Variants in TTC23 observed in about 807,000 individuals in gnomAD.
TTC23 encodes tetratricopeptide repeat domain 23.
A neutral mutation model predicts 55.1 loss-of-function variants in TTC23; 58 were observed. The ratio of observed to expected loss-of-function variants is 1.05; its 90% CI spans 0.85 to 1.31. The LOEUF (loss-of-function observed/expected upper bound fraction) is 1.31, where lower values mean the gene tolerates loss of function less well. Among genes scored for constraint, TTC23 ranks in the 50% most tolerant of loss-of-function variants. The pLI, the probability that TTC23 is intolerant of heterozygous loss-of-function variation, is 0.00. For synonymous variants in TTC23, 203 were observed against 199.9 expected, an observed-to-expected ratio of 1.02 and a Z score of -0.13; for missense variants, 516 against 534.4, an observed-to-expected ratio of 0.97 and a Z score of 0.34.
At chr15:99,145,658 C>T (rs2068764743) in intron 12 of TTC23, among the ~76,000 whole-genome samples, 1 of 152,130 alleles carries the variant, frequency 6.6e-6, no homozygotes, top group South Asian at 2.1e-4. Flanking sequence ...CATCCTCTTT[C>T]TCTCAGTCTA....
intron 8 of TTC23, among the ~76,000 whole-genome samples, chr15:99,211,323 C>A (rs2077019880): frequency 6.6e-6 from 1 of 151,796 alleles, no homozygotes; most frequent in Non-Finnish European, 1.5e-5. Flanking sequence ...TGCAGTGAGT[C>A]AAGATCACGC....
chr15:99,187,725 A>G (rs1252113387), intron 9 of TTC23, among the ~76,000 whole-genome samples: 1 of 152,092 alleles, frequency 6.6e-6, no homozygotes, highest in African/African-American at 2.4e-5. Context: ...ATGGCCAATA[A>G]GCCTATGAAA....
At chr15:99,235,741 C>G (rs1180251520) in intron 3 of TTC23, among the ~76,000 whole-genome samples, 1 of 152,210 alleles carries the variant, frequency 6.6e-6, no homozygotes, top group African/African-American at 2.4e-5. Flanking sequence ...ACCATTACCA[C>G]TGTCCATCTC....
At chr15:99,197,393 C>T (rs753488848) in intron 9 of TTC23, among the ~76,000 whole-genome samples, 5 of 151,970 alleles carry the variant, frequency 3.3e-5, no homozygotes, top group Admixed American at 6.6e-5. Flanking sequence ...TGAGCCACCA[C>T]GCCCGGCCTG....
At chr15:99,207,991 A>G (rs1283522696) in intron 8 of TTC23, among the ~76,000 whole-genome samples, 4 of 152,170 alleles carry the variant, frequency 2.6e-5, no homozygotes, top group African/African-American at 4.8e-5. Context: ...TATGTGCCCA[A>G]AGAGACTTAT....
chr15:99,206,278 G>A (rs2076621349), intron 8 of TTC23, among the ~76,000 whole-genome samples: 1 of 151,962 alleles, frequency 6.6e-6, no homozygotes, highest in African/African-American at 2.4e-5. Context: ...TTTCTTTTTT[G>A]ATGTGTCTTT....
rs2070500063 is a variant in TTC23 at position 99,156,036 on chromosome 15, A to C, written c.1143+112T>G. The stretch of plus-strand genomic sequence containing the variant: ...CCACAAAAGTGATGTCATCCTATCT[A>C]AACAAGCCACTTCTAAAGTTTCATT... On this transcript the variant is annotated intron_variant, in intron 12 of 13. Coordinates refer to ENST00000394132, the MANE Select transcript of TTC23 (RefSeq NM_001288615.3). 3 of 1,471,336 alleles carry C rather than the reference A, an allele frequency of 2.0e-6. No homozygotes were observed. The Admixed American group carries it at 5.9e-5, about 29-fold the overall frequency. 91.1% of individuals were successfully genotyped at this position (1,471,336 alleles called of 1,614,324 possible). A position where few individuals can be genotyped will look rare whatever the true frequency, so the allele number is the denominator to read the frequency against.
chr15:99,183,497 ATTTTTTTTT>A lies in TTC23; in HGVS notation c.760-8351_760-8343del, dbSNP rs56660145. On this transcript the variant is annotated intron_variant, in intron 9 of 13. Coordinates refer to ENST00000394132, the MANE Select transcript of TTC23 (RefSeq NM_001288615.3). Reference sequence around the variant, plus strand: ...CCACCACGCCCAGCTGATTTTTTGTATTTTTTTTTTTTTTTTTTTTTTTTAGTAGATAAC... The same window carrying A: ...CCACCACGCCCAGCTGATTTTTTGTATTTTTTTTTTTTTTTAGTAGATAAC... 4.1e-4 allele frequency among the ~76,000 whole-genome samples: 41 copies of A among 100,846 alleles called. 1 individual carries two copies. The highest frequency in any genetic ancestry group is 1.3e-3 in the African/African-American group (35 of 26,510). The allele number at this position is 100,846 out of a possible 152,430, so 66.2% of individuals were successfully genotyped here. A position where few individuals can be genotyped will look rare whatever the true frequency, so the allele number is the denominator to read the frequency against.
chr15:99,166,488 G>A (rs764716822), intron 10 of TTC23, among the ~76,000 whole-genome samples: 39 of 152,272 alleles, frequency 2.6e-4, no homozygotes, highest in Non-Finnish European at 4.4e-4. Context: ...ATGCTTGTCA[G>A]TGTACGTGGA....
At chr15:99,218,466 C>G (rs2077646599) in intron 8 of TTC23, 122 bp downstream of exon 8, 1 of 1,281,912 alleles carries the variant, frequency 7.8e-7, no homozygotes, top group South Asian at 1.4e-5. Flanking sequence ...TACTTTTACA[C>G]AGTGACCTCC....
chr15:99,196,719 C>T (rs908732951), intron 9 of TTC23, among the ~76,000 whole-genome samples: 4 of 152,148 alleles, frequency 2.6e-5, no homozygotes, highest in Non-Finnish European at 5.9e-5. Flanking sequence ...CTGAGTTATC[C>T]CCCTGCTTAT....
intron 8 of TTC23, among the ~76,000 whole-genome samples, chr15:99,217,671 A>G (rs2152041778): frequency 6.6e-6 from 1 of 152,322 alleles, no homozygotes; most frequent in East Asian, 1.9e-4. Context: ...TTGCAGTTCA[A>G]AAACCACCCA....
At chr15:99,211,087 T>C (rs1188346650) in intron 8 of TTC23, among the ~76,000 whole-genome samples, 1 of 152,064 alleles carries the variant, frequency 6.6e-6, no homozygotes, top group African/African-American at 2.4e-5. Flanking sequence ...GAAATAAGAA[T>C]ATACAGGTTG....
At chr15:99,196,871 A>G (rs2075759409) in intron 9 of TTC23, among the ~76,000 whole-genome samples, 2 of 152,084 alleles carry the variant, frequency 1.3e-5, no homozygotes, top group African/African-American at 2.4e-5. Context: ...TTCAACACCT[A>G]CCTAAAAGAT....
At chr15:99,157,174 G>A (rs1376221132) in intron 11 of TTC23, 4 of 135,716 alleles carry the variant, frequency 2.9e-5, no homozygotes, top group African/African-American at 1.1e-4. Context: ...CGTCTCAGCA[G>A]ATCTTCCATT....
intron 12 of TTC23, chr15:99,139,926 A>C (rs1450948838): frequency 5.5e-6 from 2 of 365,778 alleles, no homozygotes; most frequent in Non-Finnish European, 9.9e-6. Context: ...TGCTTACTTT[A>C]AGTCTTGCCA....
At chr15:99,164,432 G>A (rs530876452) in intron 10 of TTC23, among the ~76,000 whole-genome samples, 1 of 152,270 alleles carries the variant, frequency 6.6e-6, no homozygotes, top group East Asian at 1.9e-4. Context: ...AAAGAGACAT[G>A]GGACTCCCAC....
At chr15:99,230,180 A>C (rs1205583248) in intron 4 of TTC23, among the ~76,000 whole-genome samples, 1 of 152,216 alleles carries the variant, frequency 6.6e-6, no homozygotes, top group Non-Finnish European at 1.5e-5. Context: ...TTAAAAAGTT[A>C]AATAAAGACA....
intron 9 of TTC23, among the ~76,000 whole-genome samples, chr15:99,189,655 A>G (rs556484216): frequency 6.6e-6 from 1 of 152,284 alleles, no homozygotes; most frequent in South Asian, 2.1e-4. Context: ...CATTAGACAA[A>G]CCCAAACTAA....
Sources: gnomAD v4.1 joint callset for allele counts (sites outside exome capture counted in the v4.1 genomes callset) on GRCh38, gnomAD v4.1.1 for gene constraint, MANE v1.5 for transcripts, NCBI Gene and HGNC (gene_info 2026-07-23, HGNC 2026-07-21) for gene names.